SPTLC3: variants seen among roughly 807,000 people sequenced by gnomAD.
SPTLC3 encodes the protein serine palmitoyltransferase 3.
A neutral mutation model predicts 59.3 loss-of-function variants in SPTLC3; 36 were observed. That is an observed-to-expected ratio of 0.61 (90% CI 0.47 to 0.80). SPTLC3 has a LOEUF of 0.80. Among genes scored for constraint, SPTLC3 ranks in the 30% least tolerant of loss-of-function variants. The pLI, the probability that SPTLC3 is intolerant of heterozygous loss-of-function variation, is 0.00. For missense variants in SPTLC3, 625 were observed against 685.1 expected (o/e 0.91, Z 0.98); for synonymous variants, 257 against 240.8 (o/e 1.07, Z -0.62).
At chr20:13,102,984 G>A (rs374179740) in intron 6 of SPTLC3, among the ~76,000 whole-genome samples, 3 of 152,220 alleles carry the variant, frequency 2.0e-5, no homozygotes, top group East Asian at 1.9e-4. Flanking sequence ...CAGGTCACCT[G>A]CTCTCAGCTG....
chr20:13,032,786 G>T (rs1169158197), intron 1 of SPTLC3, among the ~76,000 whole-genome samples: 3 of 152,088 alleles, frequency 2.0e-5, no homozygotes, highest in African/African-American at 7.2e-5. Context: ...CTGAAGCCTT[G>T]GCCCTCCTCA....
intron 1 of SPTLC3, among the ~76,000 whole-genome samples, chr20:13,025,740 C>T (rs11905138): frequency 0.94 from 142,440 of 152,188 alleles, 67,393 homozygotes; most frequent in East Asian, 1. Context: ...TTTAAAACTT[C>T]TATTTTAGGT....
chr20:13,115,965 A>G (rs1461480105), intron 7 of SPTLC3, among the ~76,000 whole-genome samples: 2 of 152,198 alleles, frequency 1.3e-5, no homozygotes, highest in African/African-American at 2.4e-5. Context: ...CCTCAATGGA[A>G]ACAATTTTAA....
chr20:13,079,741 T>C (rs960521792), intron 4 of SPTLC3: 2 of 470,278 alleles, frequency 4.3e-6, no homozygotes, highest in Admixed American at 4.7e-5. Context: ...GCCTCCCATC[T>C]TTTCCAGGTG....
intron 2 of SPTLC3, among the ~76,000 whole-genome samples, chr20:13,069,719 C>T (rs367596079): frequency 2.1e-4 from 32 of 152,280 alleles, no homozygotes; most frequent in African/African-American, 7.5e-4. Flanking sequence ...ATTGTTGTGG[C>T]CCCTCTAGCC....
At chr20:13,010,660 C>G (rs1052525122) in intron 1 of SPTLC3, among the ~76,000 whole-genome samples, 6 of 152,154 alleles carry the variant, frequency 3.9e-5, no homozygotes, top group African/African-American at 1.4e-4. Flanking sequence ...CAGTAATATC[C>G]ACCACTTATG....
intron 6 of SPTLC3, 65 bp from the exon 7 acceptor site, chr20:13,110,047 A>C: frequency 7.2e-7 from 1 of 1,387,894 alleles, no homozygotes; most frequent in Non-Finnish European, 9.9e-7. Context: ...ATCTGGAAAA[A>C]GAAAGTGGAA....
At chr20:13,073,418 G>A (rs988089405) in intron 3 of SPTLC3, among the ~76,000 whole-genome samples, 2 of 151,648 alleles carry the variant, frequency 1.3e-5, no homozygotes, top group Non-Finnish European at 2.9e-5. Flanking sequence ...TGAAAACAAT[G>A]CAAGTTAATA....
chr20:13,142,859 C>T (rs1160031902), intron 9 of SPTLC3, among the ~76,000 whole-genome samples: 3 of 152,168 alleles, frequency 2.0e-5, no homozygotes, highest in Non-Finnish European at 4.4e-5. Context: ...AGGGCCCCTC[C>T]ATCTTCAAAG....
chr20:13,016,489 A>C (rs1985533528), intron 1 of SPTLC3, among the ~76,000 whole-genome samples: 1 of 152,174 alleles, frequency 6.6e-6, no homozygotes, highest in South Asian at 2.1e-4. Context: ...GATGCTCTGA[A>C]AACATAAATA....
At chr20:13,059,966 A>G (rs572184165) in intron 2 of SPTLC3, among the ~76,000 whole-genome samples, 44 of 152,062 alleles carry the variant, frequency 2.9e-4, no homozygotes, top group Non-Finnish European at 5.9e-4. Flanking sequence ...TCACTCTGTT[A>G]CTTAGGGCCT....
chr20:13,041,820 C>T (rs1051450774), intron 1 of SPTLC3, among the ~76,000 whole-genome samples: 6 of 150,756 alleles, frequency 4.0e-5, no homozygotes, highest in African/African-American at 1.5e-4. Flanking sequence ...GTATATTTAC[C>T]TCACAGTGTA....
At chr20:13,143,609 T>G (rs1348924733) in intron 9 of SPTLC3, among the ~76,000 whole-genome samples, 1 of 152,188 alleles carries the variant, frequency 6.6e-6, no homozygotes, top group Non-Finnish European at 1.5e-5. Context: ...AAGGCAAAAG[T>G]CTGGGGGGCT....
At chr20:13,085,996 A>G (rs1988993755) in intron 4 of SPTLC3, among the ~76,000 whole-genome samples, 1 of 152,336 alleles carries the variant, frequency 6.6e-6, no homozygotes, top group Non-Finnish European at 1.5e-5. Flanking sequence ...TCCACTGTCA[A>G]TAGCCAATCT....
intron 6 of SPTLC3, among the ~76,000 whole-genome samples, chr20:13,096,053 A>G (rs150506205): frequency 6.6e-6 from 1 of 152,292 alleles, no homozygotes; most frequent in Non-Finnish European, 1.5e-5. Flanking sequence ...GCAGTGGTTA[A>G]GAGTATAGGC....
chr20:13,047,098 G>T (rs879272553), intron 1 of SPTLC3, among the ~76,000 whole-genome samples: 1 of 152,138 alleles, frequency 6.6e-6, no homozygotes, highest in Admixed American at 6.5e-5. Context: ...TCAAATTTTA[G>T]ATATCACTAT....
intron 9 of SPTLC3, among the ~76,000 whole-genome samples, chr20:13,133,250 A>G (rs2038166741): frequency 6.6e-6 from 1 of 152,118 alleles, no homozygotes; most frequent in African/African-American, 2.4e-5. Flanking sequence ...TTTCCAAAAC[A>G]GCTTGCGGAC....
chr20:13,120,259 A>G lies in SPTLC3; in HGVS notation c.1152+2534A>G, dbSNP rs146314446. Among the ~76,000 whole-genome samples the G allele has an allele frequency of 7.2e-5, 11 of 152,260 alleles. No individual in the cohort carries two copies. In the East Asian group the frequency reaches 2.1e-3, roughly 29 times the overall value. On this transcript the variant is annotated intron_variant, in intron 8 of 11. Coordinates refer to ENST00000399002, the MANE Select transcript of SPTLC3 (RefSeq NM_018327.4). ...TAGATAGATAGTTGATAGACAGATG[A>G]ATAATCTCCCAGATACTTCCCGTAT...
intron 1 of SPTLC3, among the ~76,000 whole-genome samples, chr20:13,018,949 G>A (rs1031601354): frequency 2.7e-4 from 41 of 152,080 alleles, no homozygotes; most frequent in Non-Finnish European, 4.3e-4. Context: ...TATTTTGGGG[G>A]AAAAACACTA....
Sources: allele counts gnomAD v4.1 joint callset (sites outside exome capture counted in the v4.1 genomes callset), GRCh38; gene constraint gnomAD v4.1.1; transcripts MANE v1.5; gene names NCBI Gene and HGNC (gene_info 2026-07-23, HGNC 2026-07-21).